TAFA5: variants seen among roughly 807,000 people sequenced by gnomAD.
TAFA5 encodes the protein TAFA chemokine like family member 5.
TAFA5 carries 6 observed loss-of-function variants against 15.3 expected under a neutral mutation model. That is an observed-to-expected ratio of 0.39 (90% confidence interval 0.21 to 0.77). The LOEUF is 0.77. TAFA5 is among the 30% of genes least tolerant of loss of function. The pLI is 0.41. For synonymous variants in TAFA5, 103 were observed against 80.7 expected, an observed-to-expected ratio of 1.28 and a Z score of -1.48; for missense variants, 161 against 193.1, an observed-to-expected ratio of 0.83 and a Z score of 0.98.
intron 1 of TAFA5, among the ~76,000 whole-genome samples, chr22:48,558,832 GC>G (rs1271008543): frequency 5.2e-4 from 79 of 152,356 alleles, no homozygotes; most frequent in African/African-American, 1.8e-3. Context: ...TGTGCCAGGT[GC>G]CTGGGCGAAC....
At chr22:48,730,043 C>G (rs1040851985) in intron 3 of TAFA5, among the ~76,000 whole-genome samples, 1 of 152,126 alleles carries the variant, frequency 6.6e-6, no homozygotes, top group African/African-American at 2.4e-5. Flanking sequence ...ACACACATTG[C>G]TCACACCTAC....
chr22:48,565,421 A>C (rs1313460540), intron 1 of TAFA5, among the ~76,000 whole-genome samples: 1 of 152,200 alleles, frequency 6.6e-6, no homozygotes, highest in Non-Finnish European at 1.5e-5. Flanking sequence ...TTAGTTTTGC[A>C]AATGCATGAT....
chr22:48,702,890 G>A (rs554053199), intron 2 of TAFA5, among the ~76,000 whole-genome samples: 11 of 152,344 alleles, frequency 7.2e-5, no homozygotes, highest in South Asian at 4.1e-4. Flanking sequence ...AGCTCCTGCC[G>A]TCAAACAAAA....
At chr22:48,493,850 CTCT>C (rs1928237045) in intron 1 of TAFA5, among the ~76,000 whole-genome samples, 1 of 152,226 alleles carries the variant, frequency 6.6e-6, no homozygotes, top group Non-Finnish European at 1.5e-5. Flanking sequence ...TTCCCAGCGG[CTCT>C]AGACAGTGCC....
chr22:48,557,789 G>A (rs1231630147), intron 1 of TAFA5, among the ~76,000 whole-genome samples: 2 of 152,186 alleles, frequency 1.3e-5, no homozygotes. Flanking sequence ...TGTTCAGGGA[G>A]GGCTCTGGCC....
intron 1 of TAFA5, among the ~76,000 whole-genome samples, chr22:48,637,640 C>T (rs971257301): frequency 6.6e-6 from 1 of 152,122 alleles, no homozygotes; most frequent in African/African-American, 2.4e-5. Flanking sequence ...TAATGAAATC[C>T]CGCACCCTCG....
At chr22:48,649,167 G>A (rs987124113) in intron 2 of TAFA5, among the ~76,000 whole-genome samples, 12 of 152,214 alleles carry the variant, frequency 7.9e-5, no homozygotes, top group Admixed American at 2.6e-4. Flanking sequence ...GTCTCAGTCC[G>A]TGCAGCTCTC....
intron 2 of TAFA5, among the ~76,000 whole-genome samples, chr22:48,674,943 GT>G (rs60516251): frequency 0.21 from 30,290 of 145,164 alleles, 3,911 homozygotes; most frequent in African/African-American, 0.38. Flanking sequence ...TGTCTGGCCA[GT>G]TTTTTTTTTT....
At chr22:48,735,977 G>A (rs1428017178) in intron 3 of TAFA5, among the ~76,000 whole-genome samples, 1 of 132,940 alleles carries the variant, frequency 7.5e-6, no homozygotes, top group Non-Finnish European at 1.7e-5. Context: ...CAGGAGGAAT[G>A]AGAATCGCAC....
At chr22:48,734,733 T>C (rs1261418023) in intron 3 of TAFA5, among the ~76,000 whole-genome samples, 1 of 152,262 alleles carries the variant, frequency 6.6e-6, no homozygotes, top group African/African-American at 2.4e-5. Flanking sequence ...AGCCCCGTCC[T>C]GAAATGAACC....
chr22:48,596,490 A>G (rs988300689), intron 1 of TAFA5, among the ~76,000 whole-genome samples: 1 of 152,158 alleles, frequency 6.6e-6, no homozygotes, highest in Admixed American at 6.5e-5. Flanking sequence ...CACAGGCTTT[A>G]TGTTTTAGGG....
At chr22:48,562,193 A>G (rs548980723) in intron 1 of TAFA5, among the ~76,000 whole-genome samples, 50 of 151,952 alleles carry the variant, frequency 3.3e-4, no homozygotes, top group African/African-American at 1.2e-3. Context: ...GTTGGAGTGC[A>G]GTGGCGCCAT....
At position 48,742,808 on chromosome 22, in the gene TAFA5, C is replaced by T. The variant is rs117338921; in HGVS notation, c.391-7031C>T. On this transcript the variant is annotated intron_variant, in intron 3 of 3. Transcript: ENST00000402357. This position sits in a 1 kb window ranked among gnomAD's most constrained non-coding sequence, Gnocchi z 6.2. ...AGGAGAGATGGCCTGGGGTGCTCAG[C>T]GGGGCTGAGTCCCCAGCTGGGAGCT... is the stretch of plus-strand genomic sequence containing the variant. Among the ~76,000 whole-genome samples the T allele has an allele frequency of 3.5e-3, 530 of 152,266 alleles. 5 individuals carry two copies. The highest frequency in any genetic ancestry group is 0.028 in the East Asian group (144 of 5,176).
At chr22:48,646,862 G>T (rs982180594) in intron 2 of TAFA5, 116 bp downstream of exon 2, 1 of 1,295,840 alleles carries the variant, frequency 7.7e-7, no homozygotes, top group East Asian at 2.6e-5. Context: ...GCGCATCCTC[G>T]GGTCAGGCCC....
chr22:48,733,560 G>A (rs567656413), intron 3 of TAFA5, among the ~76,000 whole-genome samples: 1 of 152,376 alleles, frequency 6.6e-6, no homozygotes, highest in South Asian at 2.1e-4. Context: ...GTTACTTGCA[G>A]GTGAGGTAAG....
chr22:48,503,844 G>C (rs921662705), intron 1 of TAFA5, among the ~76,000 whole-genome samples: 11 of 152,176 alleles, frequency 7.2e-5, no homozygotes, highest in African/African-American at 2.7e-4. Context: ...CAGACGTCAG[G>C]TGGCTTTTGT....
intron 3 of TAFA5, among the ~76,000 whole-genome samples, chr22:48,715,118 G>C (rs1304668430): frequency 6.6e-6 from 1 of 152,220 alleles, no homozygotes; most frequent in Non-Finnish European, 1.5e-5. Flanking sequence ...AGGTTCCCCA[G>C]TGGACATGAA....
intron 1 of TAFA5, among the ~76,000 whole-genome samples, chr22:48,565,218 C>T (rs921629360): frequency 6.6e-6 from 1 of 152,206 alleles, no homozygotes; most frequent in South Asian, 2.1e-4. Flanking sequence ...CTGTCACGGC[C>T]AAGTGCTGGG....
At chr22:48,654,188 G>A (rs1426449090) in intron 2 of TAFA5, among the ~76,000 whole-genome samples, 1 of 152,150 alleles carries the variant, frequency 6.6e-6, no homozygotes, top group Non-Finnish European at 1.5e-5. Flanking sequence ...TCCCAGGGCT[G>A]TGGACACAGG....
Sources: allele counts gnomAD v4.1 joint callset (sites outside exome capture counted in the v4.1 genomes callset), GRCh38; gene constraint gnomAD v4.1.1; non-coding constraint Gnocchi (gnomAD v3.1); transcripts MANE v1.5; gene names NCBI Gene and HGNC (gene_info 2026-07-23, HGNC 2026-07-21).